Variants in MALT1 observed in about 807,000 individuals in gnomAD.
MALT1 encodes the protein mucosa-associated lymphoid tissue lymphoma translocation protein 1.
Under a neutral mutation model 85.5 loss-of-function variants are expected in MALT1, and 36 were observed. That is an observed-to-expected ratio of 0.42 (90% CI 0.32 to 0.56). The LOEUF is 0.56. Ranked by LOEUF, MALT1 falls within the 20% of genes least tolerant of loss-of-function variation. The pLI is 0.10. For missense variants in MALT1, 716 were observed against 981.6 expected, an observed-to-expected ratio of 0.73 and a Z score of 3.62; for synonymous variants, 359 against 361.3, an observed-to-expected ratio of 0.99 and a Z score of 0.07.
intron 10 of MALT1, among the ~76,000 whole-genome samples, chr18:58,727,724 A>G (rs2055084116): frequency 6.7e-6 from 1 of 148,166 alleles, no homozygotes; most frequent in Admixed American, 6.9e-5. Flanking sequence ...ACGTTGTCTG[A>G]GAGTCGAGTT....
chr18:58,721,539 G>C (rs2054982961), intron 9 of MALT1, among the ~76,000 whole-genome samples: 1 of 152,106 alleles, frequency 6.6e-6, no homozygotes, highest in Non-Finnish European at 1.5e-5. Flanking sequence ...AGAAATCTCT[G>C]AACATGTACA....
At chr18:58,732,742 C>T (rs2055168102) in intron 10 of MALT1, among the ~76,000 whole-genome samples, 1 of 126,928 alleles carries the variant, frequency 7.9e-6, no homozygotes, top group Admixed American at 7.2e-5. Flanking sequence ...ACAAATGAGT[C>T]AGGAGAGAAA....
intron 3 of MALT1, among the ~76,000 whole-genome samples, chr18:58,698,301 G>C (rs964430212): frequency 6.6e-6 from 1 of 151,946 alleles, no homozygotes; most frequent in Non-Finnish European, 1.5e-5. Context: ...TCCTGATCTC[G>C]TGATCCGCCT....
rs1352328775 is a variant in MALT1 at position 58,747,791 on chromosome 18, T to G, written c.2424T>G (p.Thr808=). 6 of 1,614,148 alleles carry G rather than the reference T, an allele frequency of 3.7e-6. No homozygotes were observed. Among genetic ancestry groups the G allele is most frequent in the Non-Finnish European group, 5.1e-6 (6 of 1,179,994 alleles). The change falls in exon 17 of 17, where the codon ACT becomes ACG. Residue 808 remains threonine, a synonymous_variant. Coordinates refer to ENST00000649217, the MANE Select transcript of MALT1 (RefSeq NM_006785.4). ...FSRSNVPVET[T]DEIPFSFSDR... is the part of the protein sequence containing the mutation. ...GAAGTAATGTGCCAGTAGAGACAAC[T>G]GATGAAATACCATTTAGTTTCTCTG...
chr18:58,746,257 A>G (rs181680962), intron 16 of MALT1, among the ~76,000 whole-genome samples: 1 of 152,250 alleles, frequency 6.6e-6, no homozygotes. Context: ...TGGCCTCAAG[A>G]ATCCTCCCTT....
At chr18:58,693,071 A>C (rs1191025774) in intron 2 of MALT1, among the ~76,000 whole-genome samples, 1 of 152,184 alleles carries the variant, frequency 6.6e-6, no homozygotes, top group Non-Finnish European at 1.5e-5. Flanking sequence ...GTGCAAAGTG[A>C]AGCAGCAAGT....
At chr18:58,713,008 A>G (rs921735706) in intron 7 of MALT1, among the ~76,000 whole-genome samples, 1 of 152,154 alleles carries the variant, frequency 6.6e-6, no homozygotes, top group African/African-American at 2.4e-5. Flanking sequence ...TTGCAAATGT[A>G]TGGTACAGCC....
chr18:58,689,259 A>G (rs1042578947), intron 2 of MALT1, among the ~76,000 whole-genome samples: 4 of 26,084 alleles, frequency 1.5e-4, no homozygotes, highest in Non-Finnish European at 2.4e-4. Context: ...TTTACAATGT[A>G]AAAAAAAAAA....
intron 2 of MALT1, among the ~76,000 whole-genome samples, chr18:58,687,579 C>T (rs1023410991): frequency 2.6e-5 from 4 of 152,136 alleles, no homozygotes; most frequent in Non-Finnish European, 5.9e-5. Flanking sequence ...TGCAGAGTAA[C>T]TTTGAGGACA....
chr18:58,692,829 C>T (rs918421668), intron 2 of MALT1, among the ~76,000 whole-genome samples: 5 of 152,182 alleles, frequency 3.3e-5, no homozygotes, highest in African/African-American at 1.2e-4. Context: ...AAAAATGCTA[C>T]TTCAGTGAAC....
intron 1 of MALT1, among the ~76,000 whole-genome samples, chr18:58,679,731 TA>T (rs2054292639): frequency 1.3e-5 from 2 of 152,236 alleles, no homozygotes; most frequent in South Asian, 4.1e-4. Flanking sequence ...GTATTTTTAG[TA>T]GAGATGGGGC....
chr18:58,745,759 T>C lies in MALT1; in HGVS notation c.2005T>C (p.Tyr669His). 6.2e-7 allele frequency: 1 copy of C among 1,613,770 alleles called. No homozygotes were observed. The highest frequency in any genetic ancestry group is 8.5e-7 in the Non-Finnish European group (1 of 1,179,778). Residue 669 changes from tyrosine (Y) to histidine (H), a missense_variant, in exon 16 of 17, where the codon TAT becomes CAT. By Grantham distance (83) the Tyr-to-His change is moderately conservative. This residue lies in a region of MALT1 where 260 missense variants were observed against 323.7 expected (regional missense o/e 0.80). Transcript: ENST00000649217. ...AAAGGATCTTCCCAAGCATTGCCTC[T>C]ATACCAGACTCAGTTCACTGCAAAA... ...VSKDLPKHCL[Y>H]TRLSSLQKLK...
At chr18:58,691,518 G>A in intron 2 of MALT1, 1 of 200,306 alleles carries the variant, frequency 5.0e-6, no homozygotes, top group Non-Finnish European at 1.0e-5. Flanking sequence ...GCAAGAGTTT[G>A]GTCTGGGTGG....
intron 10 of MALT1, among the ~76,000 whole-genome samples, chr18:58,728,183 G>A (rs914077304): frequency 2.0e-5 from 3 of 152,192 alleles, no homozygotes; most frequent in African/African-American, 2.4e-5. Context: ...TTGCAGAATT[G>A]TATTTCTAAG....
At chr18:58,708,985 C>T (rs2054795309) in intron 4 of MALT1, among the ~76,000 whole-genome samples, 1 of 152,216 alleles carries the variant, frequency 6.6e-6, no homozygotes, top group Non-Finnish European at 1.5e-5. Context: ...GAACTTAGAG[C>T]TTTCCATGTT....
Position 58,671,840 on chromosome 18 carries a change from G to T in MALT1, c.197G>T (p.Arg66Leu). The change falls in exon 1 of 17, where the codon CGC becomes CTC. Residue 66 changes from arginine (R) to leucine (L), a missense_variant. Physicochemically the swap from Arg to Leu is moderately radical, Grantham distance 102. Transcript: ENST00000649217. ...GCGGAGCTGGCGGGGAGTCGCGGGC[G>T]CCTCCGCCTCAGGTGAGCTCAGGGC... ...RLAELAGSRG[R>L]LRLSCLDLEQ... is the part of the protein sequence containing the mutation. 1.6e-6 allele frequency: 2 copies of T among 1,228,408 alleles called. No homozygotes were observed. The highest frequency in any genetic ancestry group is 2.0e-6 in the Non-Finnish European group (2 of 985,896). 76.1% of individuals were successfully genotyped at this position (1,228,408 alleles called of 1,614,324 possible). A position where few individuals can be genotyped will look rare whatever the true frequency, so the allele number is the denominator to read the frequency against.
In MALT1 at chr18:58,744,420, G is replaced by C. The variant is rs752025109; in HGVS notation, c.1836G>C (p.Met612Ile). 6.2e-7 allele frequency: 1 copy of C among 1,609,190 alleles called. No homozygotes were observed. The highest frequency in any genetic ancestry group is 1.1e-5 in the South Asian group (1 of 90,730). ...TTGCAGCTGAGTTTTCCAATGTCAT[G>C]ATCATCTATACAAGTATAGTTTACA... ...LGFAAEFSNV[M>I]IIYTSIVYKP... The change falls in exon 15 of 17, where the codon ATG becomes ATC. Residue 612 changes from methionine to isoleucine, a missense_variant. This residue lies in a region of MALT1 where 260 missense variants were observed against 323.7 expected (regional missense o/e 0.80). Transcript: ENST00000649217.
intron 7 of MALT1, among the ~76,000 whole-genome samples, chr18:58,713,853 C>T (rs1032961602): frequency 1.3e-5 from 2 of 152,126 alleles, no homozygotes; most frequent in African/African-American, 4.8e-5. Context: ...TAGTTTTTGT[C>T]ACTTAATGAA....
intron 10 of MALT1, among the ~76,000 whole-genome samples, chr18:58,725,530 A>G (rs1025732703): frequency 2.6e-5 from 4 of 152,188 alleles, no homozygotes; most frequent in Non-Finnish European, 5.9e-5. Flanking sequence ...TTTTTATATT[A>G]TACAATTGAT....
Sources: allele counts gnomAD v4.1 joint callset (sites outside exome capture counted in the v4.1 genomes callset), GRCh38; gene constraint gnomAD v4.1.1; regional missense constraint gnomAD v4.1.1; transcripts MANE v1.5; gene names NCBI Gene and HGNC (gene_info 2026-07-23, HGNC 2026-07-21).